DDX27: variants seen among roughly 807,000 people sequenced by gnomAD.
The protein encoded by DDX27 is DEAD-box helicase 27, also known as probable ATP-dependent RNA helicase DDX27.
Under a neutral mutation model 99.3 loss-of-function variants are expected in DDX27, and 42 were observed. The observed-to-expected ratio is 0.42, with a 90% CI of 0.33 to 0.55. DDX27 has a LOEUF of 0.55. DDX27 is among the 20% of genes least tolerant of loss of function. DDX27 has a pLI of 0.07. For synonymous variants in DDX27, 329 were observed against 353.8 expected (o/e 0.93, Z 0.79); for missense variants, 798 against 976.8 (o/e 0.82, Z 2.44).
At chr20:49,223,801 A>C (rs907202097) in intron 4 of DDX27, among the ~76,000 whole-genome samples, 1 of 152,076 alleles carries the variant, frequency 6.6e-6, no homozygotes, top group East Asian at 1.9e-4. Flanking sequence ...GAATCACTTG[A>C]AACTGGGAGG....
rs867104910 is a variant in DDX27, at chr20:49,227,098, G to A, written c.706+563G>A. On this transcript the variant is annotated intron_variant, in intron 7 of 20. Coordinates refer to ENST00000618172, the MANE Select transcript of DDX27 (RefSeq NM_017895.8). The stretch of plus-strand genomic sequence containing the variant: ...GGGATGGTCTTGATCTCCTGACCTC[G>A]TGATCCGCCCGCCTTGGCCTCCCAA... Among the ~76,000 whole-genome samples, 15 of 149,586 alleles carry A rather than the reference G, an allele frequency of 1.0e-4. No homozygotes were observed. In the South Asian group the frequency reaches 1.5e-3, roughly 15 times the overall value.
In DDX27 at chr20:49,222,954, C is replaced by A; in HGVS notation, c.241-3C>A. The A allele has an allele frequency of 1.2e-6, 2 of 1,606,960 alleles. No homozygotes were observed. The highest frequency in any genetic ancestry group is 1.7e-5 in the Admixed American group (1 of 58,968). On this transcript the variant is annotated splice_polypyrimidine_tract_variant and splice_region_variant and intron_variant, in intron 2 of 20. Transcript: ENST00000618172. Reference sequence around the variant, plus strand: ...TTTTTCACCTCTTTATTTTTATCTGCAGAGGGCAGCCACTACATTAGATGA... The same window carrying A: ...TTTTTCACCTCTTTATTTTTATCTGAAGAGGGCAGCCACTACATTAGATGA...
chr20:49,239,489 G>T, intron 16 of DDX27, 151 bp downstream of exon 16: 9 of 633,236 alleles, frequency 1.4e-5, no homozygotes, highest in Non-Finnish European at 2.5e-5. Flanking sequence ...TCCACATTTG[G>T]GGTGTGGGGG....
At chr20:49,226,857 C>CTGTTTTTT (rs1979908469) in intron 7 of DDX27, among the ~76,000 whole-genome samples, 2 of 63,460 alleles carry the variant, frequency 3.2e-5, no homozygotes, top group African/African-American at 6.5e-5. Context: ...GAGTAAAGGA[C>CTGTTTTTT]TTTTTTTTTT....
intron 3 of DDX27, 94 bp downstream of exon 3, chr20:49,223,110 G>A: frequency 7.1e-7 from 1 of 1,413,384 alleles, no homozygotes; most frequent in African/African-American, 1.4e-5. Flanking sequence ...ATAGAGCGGG[G>A]CATGGCTGGG....
At position 49,236,569 on chromosome 20, in the gene DDX27, T is replaced by C; in HGVS notation, c.1687+59T>C. ...CTCGGTGGGCGGGGCAAGGACAGAG[T>C]GTAATGGCTGAGAGCAGGTACTTTG... On this transcript the variant is annotated intron_variant, in intron 14 of 20. Coordinates refer to ENST00000618172, the MANE Select transcript of DDX27 (RefSeq NM_017895.8). The surrounding 1 kb of genome is among the most constrained non-coding windows in gnomAD (Gnocchi z 4.1). The C allele has an allele frequency of 6.8e-7, 1 of 1,468,438 alleles. No homozygotes were observed. Among genetic ancestry groups the C allele is most frequent in the South Asian group, 1.5e-5 (1 of 67,340 alleles). The allele number at this position is 1,468,438 out of a possible 1,614,324, so 91.0% of individuals were successfully genotyped here.
At chr20:49,221,820 T>C (rs2146704642) in intron 2 of DDX27, among the ~76,000 whole-genome samples, 1 of 151,490 alleles carries the variant, frequency 6.6e-6, no homozygotes, top group East Asian at 1.9e-4. Context: ...TTTTTTTTTT[T>C]TTTTTTCTGA....
intron 1 of DDX27, among the ~76,000 whole-genome samples, chr20:49,220,608 C>T (rs903916004): frequency 4.6e-5 from 7 of 152,070 alleles, no homozygotes; most frequent in Non-Finnish European, 1.0e-4. Flanking sequence ...CCGATGTCCC[C>T]TGTGGGCGCG....
At chr20:49,232,635 GCGC>G (rs1056520027) in intron 9 of DDX27, 1 of 152,896 alleles carries the variant, frequency 6.5e-6, no homozygotes, top group African/African-American at 2.4e-5. Context: ...GTGGTGGCGG[GCGC>G]CTGTGGTCCC....
Position 49,221,547 on chromosome 20 carries a change from G to A in DDX27, c.189G>A (p.Thr63=), listed in dbSNP as rs747529105. ...PDFVFTEKEG[T]YDGSWALADV... is the part of the protein sequence containing the mutation. ...TCGTTTTCACTGAGAAGGAGGGGAC[G>A]TACGATGGCAGCTGGGCCCTGGCTG... Residue 63 remains threonine (T), a synonymous_variant, in exon 2 of 21, where the codon ACG becomes ACA. Coordinates refer to ENST00000618172, the MANE Select transcript of DDX27 (RefSeq NM_017895.8). 6.8e-6 allele frequency: 11 copies of A among 1,613,098 alleles called. No homozygotes were observed. Among genetic ancestry groups the A allele is most frequent in the Middle Eastern group, 1.7e-4 (1 of 5,948 alleles).
chr20:49,232,789 A>AAC (rs1980163600), intron 9 of DDX27: 1 of 180,966 alleles, frequency 5.5e-6, no homozygotes, highest in Non-Finnish European at 1.1e-5. Flanking sequence ...AAAAAAAAAA[A>AAC]ATTAAGTGGG....
chr20:49,232,428 A>G (rs1568974952), intron 9 of DDX27, among the ~76,000 whole-genome samples: 1 of 151,546 alleles, frequency 6.6e-6, no homozygotes, highest in Admixed American at 6.6e-5. Flanking sequence ...TAGGGAGTTC[A>G]AGACCAGCCT....
At chr20:49,239,994 CTGAGA>C (rs1980426111) in intron 16 of DDX27, among the ~76,000 whole-genome samples, 1 of 152,128 alleles carries the variant, frequency 6.6e-6, no homozygotes, top group African/African-American at 2.4e-5. Flanking sequence ...TTTCACTTAC[CTGAGA>C]TATCTAGCTA....
chr20:49,239,266 G>A lies in DDX27; in HGVS notation c.1825G>A (p.Gly609Arg), dbSNP rs746065727. Reference protein sequence around the residue: ...INTAKRLLEKGKEAVVQEPER... With the variant: ...INTAKRLLEKRKEAVVQEPER... ...TACAGCAAAGCGGCTCCTGGAGAAG[G>A]GGAAGGAGGCAGTGGTCCAAGAGCC... The change falls in exon 16 of 21, where the codon GGG (glycine) becomes AGG (arginine). Residue 609 changes from glycine to arginine, a missense_variant. This residue lies in a region of DDX27 where 553 missense variants were observed against 727.9 expected (regional missense o/e 0.76). Coordinates refer to ENST00000618172, the MANE Select transcript of DDX27 (RefSeq NM_017895.8). 13 of 1,614,028 alleles carry A rather than the reference G, an allele frequency of 8.1e-6. No homozygotes were observed. The highest frequency in any genetic ancestry group is 2.7e-5 in the African/African-American group (2 of 74,918).
At chr20:49,228,164 C>T (rs1159739044) in intron 7 of DDX27, among the ~76,000 whole-genome samples, 2 of 146,754 alleles carry the variant, frequency 1.4e-5, no homozygotes, top group Non-Finnish European at 3.0e-5. Context: ...TTTTTTGAGA[C>T]AGAGTTTTGC....
chr20:49,233,309 G>A lies in DDX27; in HGVS notation c.1035G>A (p.Met345Ile). 1 of 1,613,486 alleles carries A rather than the reference G, an allele frequency of 6.2e-7. No individual in the cohort carries two copies. Among genetic ancestry groups the A allele is most frequent in the South Asian group, 1.1e-5 (1 of 91,072 alleles). The part of the protein sequence containing the change: ...EVLILDEADR[M>I]LDEYFEEQMK... Reference sequence around the variant, plus strand: ...CCATGTCTTTCTCTGCTCCCAGGATGCTGGATGAGTACTTTGAGGAGCAGA... The same window carrying A: ...CCATGTCTTTCTCTGCTCCCAGGATACTGGATGAGTACTTTGAGGAGCAGA... Residue 345 changes from methionine to isoleucine, a missense_variant, in exon 10 of 21, where the codon ATG becomes ATA. Physicochemically the swap from Met to Ile is conservative, Grantham distance 10. Around this residue, in one of 2 missense-constraint regions of DDX27, gnomAD observed 553 missense variants for 727.9 expected, o/e 0.76. Coordinates refer to ENST00000618172, the MANE Select transcript of DDX27 (RefSeq NM_017895.8).
rs145296404 is a variant in DDX27 at position 49,239,307 on chromosome 20, C to T, written c.1866C>T (p.Phe622=). ...AVVQEPERSW[F]QTKEERKKEK... The stretch of plus-strand genomic sequence containing the variant: ...TCCAAGAGCCCGAGAGGAGCTGGTT[C>T]CAGACCAAAGAAGAGAGGAAGAAGG... Residue 622 remains phenylalanine, a synonymous_variant, in exon 16 of 21, where the codon TTC becomes TTT. Transcript: ENST00000618172. 26 of 1,613,332 alleles carry T rather than the reference C, an allele frequency of 1.6e-5. No homozygotes were observed. The highest frequency in any genetic ancestry group is 2.0e-5 in the Non-Finnish European group (24 of 1,179,514).
At chr20:49,229,032 T>A in intron 8 of DDX27, 144 bp downstream of exon 8, 42 of 25,652 alleles carry the variant, frequency 1.6e-3, no homozygotes, top group Non-Finnish European at 2.4e-3. Flanking sequence ...CTGGAAGACT[T>A]TTTTTTTTTT....
At chr20:49,231,929 G>A (rs1351590360) in intron 9 of DDX27, among the ~76,000 whole-genome samples, 1 of 150,516 alleles carries the variant, frequency 6.6e-6, no homozygotes, top group Non-Finnish European at 1.5e-5. Context: ...TGTCACCCAG[G>A]CTGGAGTGCC....
Sources: gnomAD v4.1 joint callset for allele counts (sites outside exome capture counted in the v4.1 genomes callset) on GRCh38, gnomAD v4.1.1 for gene constraint, gnomAD v4.1.1 regional missense constraint, Gnocchi (gnomAD v3.1) non-coding constraint, MANE v1.5 for transcripts, NCBI Gene and HGNC (gene_info 2026-07-23, HGNC 2026-07-21) for gene names.